PCDHA7: variants seen among roughly 807,000 people sequenced by gnomAD.
The protein encoded by PCDHA7 is protocadherin alpha 7, also known as protocadherin alpha-7.
Under a neutral mutation model 57.2 loss-of-function variants are expected in PCDHA7, and 37 were observed. The ratio of observed to expected loss-of-function variants is 0.65; its 90% CI spans 0.50 to 0.85. PCDHA7 has a LOEUF of 0.85. PCDHA7 is among the 40% of genes least tolerant of loss of function. The pLI is 0.00. For synonymous variants in PCDHA7, 553 were observed against 558.8 expected, an observed-to-expected ratio of 0.99 and a Z score of 0.15; for missense variants, 1,188 against 1,241.8, an observed-to-expected ratio of 0.96 and a Z score of 0.65.
intron 1 of PCDHA7, chr5:140,849,708 T>C (rs2150445968): frequency 6.3e-7 from 1 of 1,598,586 alleles, no homozygotes; most frequent in East Asian, 2.2e-5. Flanking sequence ...CAAGAATTAC[T>C]ACTCGTTGGT....
chr5:140,928,801 G>T (rs1554206325), intron 1 of PCDHA7: 1 of 1,614,066 alleles, frequency 6.2e-7, no homozygotes, highest in African/African-American at 1.3e-5. Flanking sequence ...GGTGGTGGTA[G>T]TGGTTCGGGA....
At chr5:140,853,997 T>C in intron 1 of PCDHA7, 1 of 465,218 alleles carries the variant, frequency 2.1e-6, no homozygotes, top group Non-Finnish European at 2.9e-6. Flanking sequence ...GACTCATCTC[T>C]GCCAAAAAAA....
At chr5:140,931,977 T>G (rs1207911799) in intron 1 of PCDHA7, among the ~76,000 whole-genome samples, 2 of 151,978 alleles carry the variant, frequency 1.3e-5, no homozygotes, top group Non-Finnish European at 2.9e-5. Flanking sequence ...TATGTGTTTA[T>G]ATTTTGCTCA....
At chr5:140,882,871 C>T in intron 1 of PCDHA7, 1 of 1,614,164 alleles carries the variant, frequency 6.2e-7, no homozygotes, top group East Asian at 2.2e-5. Flanking sequence ...AAACACTGGA[C>T]AGAGAGGAAA....
rs781875497 is a variant in PCDHA7 at position 140,995,949 on chromosome 5, G to A, written c.2503+13386G>A. Among the ~76,000 whole-genome samples, 8 of 152,160 alleles carry A rather than the reference G, an allele frequency of 5.3e-5. No homozygotes were observed. In the East Asian group the frequency reaches 7.7e-4, roughly 15 times the overall value. ...GTAAGTATTAAATGACATAATGCACGCAAAATGCTTAGAACCATGCTTAGT... is the reference window on the plus strand; with the variant it reads ...GTAAGTATTAAATGACATAATGCACACAAAATGCTTAGAACCATGCTTAGT... On this transcript the variant is annotated intron_variant, in intron 3 of 3. Transcript: ENST00000525929.
At chr5:140,875,779 A>G (rs1174243985) in intron 1 of PCDHA7, 1 of 1,614,194 alleles carries the variant, frequency 6.2e-7, no homozygotes, top group Non-Finnish European at 8.5e-7. Context: ...CGCGGAGTGC[A>G]GTATCCACCT....
chr5:140,929,074 G>T, intron 1 of PCDHA7: 2 of 1,614,182 alleles, frequency 1.2e-6, no homozygotes, highest in South Asian at 2.2e-5. Flanking sequence ...TCTGAGGTAT[G>T]GAAGTAAGAT....
chr5:140,970,834 T>C lies in PCDHA7; in HGVS notation c.2356-8115T>C, dbSNP rs566411727. 8.6e-5 allele frequency among the ~76,000 whole-genome samples: 13 copies of C among 151,290 alleles called. No homozygotes were observed. The South Asian group carries it at 1.2e-3, about 14-fold the overall frequency. ...AAGTTCATGGTAATCTTGAGGAATG[T>C]AATGCACAGGCACAAAAGTTCCATT... On this transcript the variant is annotated intron_variant, in intron 1 of 3. Transcript: ENST00000525929.
intron 3 of PCDHA7, among the ~76,000 whole-genome samples, chr5:140,984,430 A>T (rs1236503699): frequency 6.6e-6 from 1 of 152,080 alleles, no homozygotes; most frequent in East Asian, 1.9e-4. Flanking sequence ...AGAGAAGGGG[A>T]TCTCCCTTGT....
intron 1 of PCDHA7, chr5:140,843,774 A>G: frequency 6.9e-7 from 1 of 1,457,980 alleles, no homozygotes; most frequent in Non-Finnish European, 9.4e-7. Flanking sequence ...TAGTTACTTT[A>G]AAAGTGTTTC....
At chr5:140,972,027 C>A (rs2096514532) in intron 1 of PCDHA7, among the ~76,000 whole-genome samples, 1 of 152,110 alleles carries the variant, frequency 6.6e-6, no homozygotes, top group African/African-American at 2.4e-5. Flanking sequence ...GATATTCAGG[C>A]ATTTAAGCTA....
chr5:140,901,970 G>A (rs1178784932), intron 1 of PCDHA7, among the ~76,000 whole-genome samples: 1 of 151,954 alleles, frequency 6.6e-6, no homozygotes, highest in Non-Finnish European at 1.5e-5. Context: ...TCGTAAATGG[G>A]ATTACTTTTT....
chr5:140,948,912 C>A (rs1038670333), intron 1 of PCDHA7, among the ~76,000 whole-genome samples: 1 of 150,924 alleles, frequency 6.6e-6, no homozygotes, highest in Non-Finnish European at 1.5e-5. Context: ...TCTTAGGTAA[C>A]TGATTAGGTA....
intron 1 of PCDHA7, chr5:140,968,575 G>C: frequency 6.2e-7 from 1 of 1,614,134 alleles, no homozygotes; most frequent in Non-Finnish European, 8.5e-7. Context: ...CTGGCTACCT[G>C]GTCACCAAAG....
Position 140,863,100 on chromosome 5 carries a change from C to A in PCDHA7, c.2355+26362C>A, listed in dbSNP as rs146061743. 4,507 of 579,870 alleles carry A rather than the reference C, an allele frequency of 7.8e-3. 34 individuals carry two copies. The highest frequency in any genetic ancestry group is 0.018 in the Middle Eastern group (62 of 3,436). The allele number at this position is 579,870 out of a possible 1,614,324, so 35.9% of individuals were successfully genotyped here. A position where few individuals can be genotyped will look rare whatever the true frequency, so the allele number is the denominator to read the frequency against. ...CGGGCGAGATCAGCACGACGAGTAC[C>A]CTGGACGAGGCGAAAGCTACGCGCC... On this transcript the variant is annotated intron_variant, in intron 1 of 3. Coordinates refer to ENST00000525929, the MANE Select transcript of PCDHA7 (RefSeq NM_018910.3).
Position 140,946,631 on chromosome 5 carries a change from T to TATATACAC in PCDHA7, c.2356-32317_2356-32316insTATACACA, listed in dbSNP as rs57893927. Among the ~76,000 whole-genome samples, 48 of 131,820 alleles carry TATATACAC rather than the reference T, an allele frequency of 3.6e-4. 1 individual carries two copies. Among genetic ancestry groups the TATATACAC allele is most frequent in the South Asian group, 8.9e-4 (4 of 4,516 alleles). The allele number at this position is 131,820 out of a possible 152,430, so 86.5% of individuals were successfully genotyped here. A position where few individuals can be genotyped will look rare whatever the true frequency, so the allele number is the denominator to read the frequency against. ...TGTGAAATATATATATATATATATA[T>TATATACAC]ACAATGGAATACTCATCAGCCATTA... is the stretch of plus-strand genomic sequence containing the variant. On this transcript the variant is annotated intron_variant, in intron 1 of 3. Coordinates refer to ENST00000525929, the MANE Select transcript of PCDHA7 (RefSeq NM_018910.3).
At chr5:140,893,229 G>A (rs922723551) in intron 1 of PCDHA7, among the ~76,000 whole-genome samples, 3 of 152,212 alleles carry the variant, frequency 2.0e-5, no homozygotes, top group Non-Finnish European at 4.4e-5. Context: ...GTATCACTTT[G>A]ACATACTGGT....
chr5:140,877,815 A>T (rs782076422), intron 1 of PCDHA7: 21 of 1,609,380 alleles, frequency 1.3e-5, no homozygotes, highest in Non-Finnish European at 1.7e-5. Context: ...TGTCTCGAGA[A>T]GATTGTTTAA....
chr5:140,868,968 C>G (rs782210353), intron 1 of PCDHA7: 16 of 1,446,356 alleles, frequency 1.1e-5, no homozygotes, highest in Middle Eastern at 2.0e-4. Flanking sequence ...TACAAAGGAA[C>G]TCCATCATAC....
Sources: gnomAD v4.1 joint callset for allele counts (sites outside exome capture counted in the v4.1 genomes callset) on GRCh38, gnomAD v4.1.1 for gene constraint, MANE v1.5 for transcripts, NCBI Gene and HGNC (gene_info 2026-07-23, HGNC 2026-07-21) for gene names.